The following JAKMIP3 variants were observed in gnomAD, a reference collection of about 807,000 sequenced individuals.
The protein encoded by JAKMIP3 is janus kinase and microtubule-interacting protein 3.
Under a neutral mutation model 118.5 loss-of-function variants are expected in JAKMIP3, and 58 were observed. The ratio of observed to expected loss-of-function variants is 0.49; its 90% CI spans 0.40 to 0.61. The LOEUF is 0.61. JAKMIP3 is among the 20% of genes least tolerant of loss of function. The pLI is 0.00. For missense variants in JAKMIP3, 950 were observed against 1,109.0 expected (o/e 0.86, Z 2.04); for synonymous variants, 486 against 451.2 (o/e 1.08, Z -0.98).
At chr10:132,097,290 A>G (rs895155844) in intron 1 of JAKMIP3, among the ~76,000 whole-genome samples, 1 of 152,202 alleles carries the variant, frequency 6.6e-6, no homozygotes, top group African/African-American at 2.4e-5. Flanking sequence ...ACAGTGGTGC[A>G]GCCACACCGT....
At position 132,179,799 on chromosome 10, in the gene JAKMIP3, C is replaced by T. The variant is rs1488940098; in HGVS notation, c.*1104-2558C>T. On this transcript the variant is annotated intron_variant, in intron 23 of 23. Coordinates refer to ENST00000684848, the MANE Select transcript of JAKMIP3 (RefSeq NM_001323087.2). The surrounding 1 kb of genome is among the most constrained non-coding windows in gnomAD (Gnocchi z 4.3). ...CACCATGGCACAGCCACACCATTAT[C>T]GCAGCCCTATAATCGGGAGGCATGG... 1.4e-5 allele frequency among the ~76,000 whole-genome samples: 2 copies of T among 145,974 alleles called. No homozygotes were observed. Among genetic ancestry groups the T allele is most frequent in the African/African-American group, 5.6e-5 (2 of 35,562 alleles).
chr10:132,170,652 G>T (rs2136809881), intron 23 of JAKMIP3, among the ~76,000 whole-genome samples: 1 of 152,332 alleles, frequency 6.6e-6, no homozygotes, highest in South Asian at 2.1e-4. Flanking sequence ...CCCAGCGTGT[G>T]TCCATGGGGG....
chr10:132,135,862 G>T, intron 5 of JAKMIP3, 68 bp from the exon 6 acceptor site: 1 of 1,523,502 alleles, frequency 6.6e-7, no homozygotes, highest in South Asian at 1.3e-5. Context: ...TCAGTCAGCC[G>T]ACTCTGCGTG....
intron 2 of JAKMIP3, among the ~76,000 whole-genome samples, chr10:132,107,133 A>T (rs886390377): frequency 1.3e-5 from 2 of 151,564 alleles, no homozygotes; most frequent in African/African-American, 4.9e-5. Flanking sequence ...GGACTCAAGC[A>T]ATCTTCCTGC....
At chr10:132,077,075 A>C (rs1173534968) in intron 1 of JAKMIP3, among the ~76,000 whole-genome samples, 1 of 152,166 alleles carries the variant, frequency 6.6e-6, no homozygotes, top group African/African-American at 2.4e-5. Flanking sequence ...CCTCCACCCC[A>C]GCGTGTGAGA....
intron 1 of JAKMIP3, among the ~76,000 whole-genome samples, chr10:132,095,060 T>C (rs1346828145): frequency 6.6e-6 from 1 of 152,172 alleles, no homozygotes; most frequent in Non-Finnish European, 1.5e-5. Flanking sequence ...ATTGAAGGGC[T>C]GGTCTCACTC....
At chr10:132,056,636 C>T (rs1486154532) in intron 1 of JAKMIP3, among the ~76,000 whole-genome samples, 1 of 152,206 alleles carries the variant, frequency 6.6e-6, no homozygotes, top group Non-Finnish European at 1.5e-5. Context: ...CGAGGCAGAT[C>T]ATGCCTGTCA....
intron 23 of JAKMIP3, among the ~76,000 whole-genome samples, chr10:132,178,926 C>T (rs1461829378): frequency 2.6e-5 from 4 of 152,186 alleles, no homozygotes; most frequent in Admixed American, 6.5e-5. Flanking sequence ...TTTCCTGATC[C>T]ATATGTACGA....
chr10:132,142,494 C>T lies in JAKMIP3; in HGVS notation c.1602+446C>T, dbSNP rs568413002. On this transcript the variant is annotated intron_variant, in intron 11 of 23. Transcript: ENST00000684848. ...GCTGTGCCTGCCCCGGCCCCGGCCCCGGCCCCTCTCCCCCGGCCTCCCCAC... is the reference window on the plus strand; with the variant it reads ...GCTGTGCCTGCCCCGGCCCCGGCCCTGGCCCCTCTCCCCCGGCCTCCCCAC... 3.3e-5 allele frequency among the ~76,000 whole-genome samples: 5 copies of T among 152,322 alleles called. No homozygotes were observed. In the East Asian group the frequency reaches 7.7e-4, roughly 24 times the overall value.
At chr10:132,042,488 G>A (rs2037793738) in intron 1 of JAKMIP3, among the ~76,000 whole-genome samples, 2 of 152,174 alleles carry the variant, frequency 1.3e-5, no homozygotes, top group Non-Finnish European at 2.9e-5. Flanking sequence ...GATTCCAGGC[G>A]TGAGCCACGG....
intron 1 of JAKMIP3, among the ~76,000 whole-genome samples, chr10:132,075,601 G>C (rs1417452428): frequency 6.6e-6 from 1 of 151,776 alleles, no homozygotes; most frequent in Non-Finnish European, 1.5e-5. Context: ...GTAGAGGCAG[G>C]GTTTTGCCAC....
intron 23 of JAKMIP3, among the ~76,000 whole-genome samples, chr10:132,169,282 G>C (rs896367681): frequency 1.3e-5 from 2 of 152,198 alleles, no homozygotes; most frequent in Non-Finnish European, 2.9e-5. Flanking sequence ...CTGGCGTCTG[G>C]CAGAGCTGGT....
intron 5 of JAKMIP3, 113 bp downstream of exon 5, chr10:132,135,273 C>A: frequency 9.0e-7 from 1 of 1,116,928 alleles, no homozygotes; most frequent in African/African-American, 1.6e-5. Context: ...GTTGCAAGGA[C>A]CGGCCTTGCG....
chr10:132,069,425 G>A (rs2039461496), intron 1 of JAKMIP3, among the ~76,000 whole-genome samples: 1 of 152,126 alleles, frequency 6.6e-6, no homozygotes, highest in African/African-American at 2.4e-5. Context: ...AGCAGGAAGG[G>A]GCCTGGAATC....
In JAKMIP3 at chr10:132,118,144, G is replaced by A. The variant is rs1051685849; in HGVS notation, c.633+570G>A. Among the ~76,000 whole-genome samples, 6 of 152,282 alleles carry A rather than the reference G, an allele frequency of 3.9e-5. No homozygotes were observed. Among genetic ancestry groups the A allele is most frequent in the Admixed American group, 3.3e-4 (5 of 15,302 alleles). On this transcript the variant is annotated intron_variant, in intron 3 of 23. Coordinates refer to ENST00000684848, the MANE Select transcript of JAKMIP3 (RefSeq NM_001323087.2). This position sits in a 1 kb window ranked among gnomAD's most constrained non-coding sequence, Gnocchi z 4.8. ...CTGAGGTCCCTGTCTCTGCAGAACC[G>A]TTGCACTTGGGCTGGACCAGATGAG...
rs917451874 is a variant in JAKMIP3, at chr10:132,183,707, T to A, written c.*2454T>A. The A allele has an allele frequency of 6.6e-6, 1 of 152,174 alleles. No homozygotes were observed. The highest frequency in any genetic ancestry group is 2.4e-5 in the African/African-American group (1 of 41,428). 9.4% of individuals were successfully genotyped at this position (152,174 alleles called of 1,614,324 possible). On this transcript the variant is annotated 3_prime_UTR_variant, in exon 24 of 24. Transcript: ENST00000684848. ...CATCTAGTTGGAGCGTCAGTTCCTC[T>A]CCTTAGATATCATTGTTTTCACTCG...
At chr10:132,144,948 C>A (rs2054309207) in intron 11 of JAKMIP3, among the ~76,000 whole-genome samples, 159 bp from the exon 12 acceptor site, 1 of 152,142 alleles carries the variant, frequency 6.6e-6, no homozygotes, top group Non-Finnish European at 1.5e-5. Flanking sequence ...CAAAACAGTT[C>A]TCCCTCTCTT....
chr10:132,093,639 C>T (rs748838703), intron 1 of JAKMIP3, among the ~76,000 whole-genome samples: 15 of 152,288 alleles, frequency 9.8e-5, no homozygotes, highest in Admixed American at 1.3e-4. Flanking sequence ...TGTCCATCAC[C>T]GCTTCCCTTG....
chr10:132,102,620 G>T (rs2045152965), intron 1 of JAKMIP3, among the ~76,000 whole-genome samples: 1 of 152,210 alleles, frequency 6.6e-6, no homozygotes, highest in African/African-American at 2.4e-5. Context: ...CTGGGTGTCT[G>T]CATCGCCTCC....
Sources: allele counts gnomAD v4.1 joint callset (sites outside exome capture counted in the v4.1 genomes callset), GRCh38; gene constraint gnomAD v4.1.1; non-coding constraint Gnocchi (gnomAD v3.1); transcripts MANE v1.5; gene names NCBI Gene and HGNC (gene_info 2026-07-23, HGNC 2026-07-21).